YES1: variants seen among roughly 807,000 people sequenced by gnomAD.
The protein encoded by YES1 is tyrosine-protein kinase Yes.
A neutral mutation model predicts 70.4 loss-of-function variants in YES1; 39 were observed. That is an observed-to-expected ratio of 0.55 (90% CI 0.43 to 0.72). The LOEUF (loss-of-function observed/expected upper bound fraction) is 0.72, where lower values mean the gene tolerates loss of function less well. YES1 is among the 30% of genes least tolerant of loss of function. The probability of loss-of-function intolerance (pLI) is 0.00; values close to 1 mark genes in which losing one functional copy is unlikely to be tolerated. For synonymous variants in YES1, 198 were observed against 218.6 expected, an observed-to-expected ratio of 0.91 and a Z score of 0.83; for missense variants, 495 against 644.8, an observed-to-expected ratio of 0.77 and a Z score of 2.52.
chr18:791,750 A>G (rs992009078), intron 1 of YES1, among the ~76,000 whole-genome samples: 1 of 152,132 alleles, frequency 6.6e-6, no homozygotes, highest in South Asian at 2.1e-4. Context: ...TCTTTTTACC[A>G]TATTAAAATC....
chr18:775,294 G>GTTA (rs1191762151), intron 1 of YES1: 1 of 152,116 alleles, frequency 6.6e-6, no homozygotes, highest in Non-Finnish European at 1.5e-5. Flanking sequence ...TTTAAAAAAA[G>GTTA]TTATTGAAAT....
intron 8 of YES1, among the ~76,000 whole-genome samples, chr18:741,568 C>T (rs1356460101): frequency 6.6e-6 from 1 of 152,164 alleles, no homozygotes; most frequent in African/African-American, 2.4e-5. Flanking sequence ...CTTTGGGAGG[C>T]CAAGGCAGGC....
At chr18:759,532 T>C (rs1904466913) in intron 1 of YES1, among the ~76,000 whole-genome samples, 1 of 152,160 alleles carries the variant, frequency 6.6e-6, no homozygotes, top group Non-Finnish European at 1.5e-5. Context: ...TTTGTATCTA[T>C]GAGTTCTGCA....
intron 10 of YES1, among the ~76,000 whole-genome samples, chr18:734,381 C>T (rs575794445): frequency 4.6e-5 from 7 of 150,698 alleles, no homozygotes; most frequent in African/African-American, 1.7e-4. Flanking sequence ...GGTAAAACCC[C>T]GTCACTACTA....
At chr18:762,333 AAAG>A (rs1904636966) in intron 1 of YES1, among the ~76,000 whole-genome samples, 1 of 152,182 alleles carries the variant, frequency 6.6e-6, no homozygotes, top group Non-Finnish European at 1.5e-5. Flanking sequence ...AAAAAAGAAA[AAAG>A]AAATGTAACA....
chr18:743,005 T>G lies in YES1; in HGVS notation c.973A>C (p.Lys325Gln). ...EAFLQEAQIM[K>Q]KLRHDKLVPL... ...ACAAGTTTATCATGTCTTAATTTTT[T>G]CATTATCTGAGCTTCTTGAAGGAAA... Residue 325 changes from lysine to glutamine, a missense_variant, in exon 8 of 12, where the codon AAA becomes CAA. Around this residue, in one of 2 missense-constraint regions of YES1, gnomAD observed 385 missense variants for 540.9 expected, o/e 0.71. Transcript: ENST00000314574. 1 of 1,612,250 alleles carries G rather than the reference T, an allele frequency of 6.2e-7. No homozygotes were observed.
intron 1 of YES1, among the ~76,000 whole-genome samples, chr18:774,308 C>CT (rs1457287101): frequency 2.0e-5 from 3 of 152,186 alleles, no homozygotes; most frequent in Non-Finnish European, 4.4e-5. Flanking sequence ...AGTCTTATAT[C>CT]TTTAAATACC....
intron 1 of YES1, among the ~76,000 whole-genome samples, chr18:771,660 C>A (rs1253799973): frequency 1.3e-5 from 2 of 151,836 alleles, no homozygotes; most frequent in Non-Finnish European, 2.9e-5. Context: ...ACTATCCTCC[C>A]ACCTCAGCCT....
chr18:748,566 C>T (rs1367888587), intron 3 of YES1, among the ~76,000 whole-genome samples: 1 of 152,168 alleles, frequency 6.6e-6, no homozygotes, highest in Non-Finnish European at 1.5e-5. Flanking sequence ...CAACCACTGT[C>T]AACCACTAAT....
intron 10 of YES1, 87 bp from the exon 11 acceptor site, chr18:733,052 A>G (rs564150037): frequency 3.0e-4 from 391 of 1,316,702 alleles, no homozygotes; most frequent in Admixed American, 4.1e-4. Flanking sequence ...TGTTCTGTCA[A>G]TATCTCTACT....
intron 4 of YES1, among the ~76,000 whole-genome samples, chr18:747,552 C>G (rs755075405): frequency 3.8e-4 from 58 of 152,164 alleles, no homozygotes; most frequent in Non-Finnish European, 1.2e-4. Flanking sequence ...TCAACACACC[C>G]TCATATATAA....
At position 770,271 on chromosome 18, in the gene YES1, T is replaced by A. The variant is rs939235140; in HGVS notation, c.-8-13436A>T. 2.2e-4 allele frequency among the ~76,000 whole-genome samples: 32 copies of A among 145,182 alleles called. 1 individual carries two copies. Among genetic ancestry groups the A allele is most frequent in the African/African-American group, 7.6e-4 (29 of 38,322 alleles). ...CCACTGCGCCCGGCCCTTTTATCTT[T>A]TTTTTTTTTTTTTTAAGAGTTTTTA... On this transcript the variant is annotated intron_variant, in intron 1 of 11. Transcript: ENST00000314574.
chr18:783,477 A>G (rs1202688519), intron 1 of YES1, among the ~76,000 whole-genome samples: 1 of 152,164 alleles, frequency 6.6e-6, no homozygotes. Flanking sequence ...TTATAACAAA[A>G]TTGAATCTGA....
chr18:737,838 G>T (rs558762081), intron 9 of YES1, among the ~76,000 whole-genome samples: 1 of 152,148 alleles, frequency 6.6e-6, no homozygotes, highest in African/African-American at 2.4e-5. Flanking sequence ...TCCCACCTCA[G>T]CCTAGTGAGT....
At position 793,538 on chromosome 18, in the gene YES1, A is replaced by C. The variant is rs555691717; in HGVS notation, c.-9+18576T>G. 9.2e-5 allele frequency among the ~76,000 whole-genome samples: 14 copies of C among 151,424 alleles called. No individual in the cohort carries two copies. The East Asian group carries it at 2.5e-3, about 27-fold the overall frequency. ...TTTTTGCAGAGATGGGGTCTCACTA[A>C]ATTGCTCAGGCTGGTCTCAAACTCC... On this transcript the variant is annotated intron_variant, in intron 1 of 11. Coordinates refer to ENST00000314574, the MANE Select transcript of YES1 (RefSeq NM_005433.4).
chr18:755,530 G>A (rs1456044613), intron 2 of YES1, among the ~76,000 whole-genome samples: 1 of 152,184 alleles, frequency 6.6e-6, no homozygotes, highest in Non-Finnish European at 1.5e-5. Context: ...AGGATTACAG[G>A]TGTGAGCCAC....
At chr18:782,897 A>G (rs11663085) in intron 1 of YES1, among the ~76,000 whole-genome samples, 11,968 of 152,130 alleles carry the variant, frequency 0.079, 714 homozygotes, top group Admixed American at 0.2. Flanking sequence ...GTTTCGCCAT[A>G]TTAGCCACTC....
At chr18:791,388 T>C (rs1906242059) in intron 1 of YES1, among the ~76,000 whole-genome samples, 1 of 152,180 alleles carries the variant, frequency 6.6e-6, no homozygotes, top group African/African-American at 2.4e-5. Flanking sequence ...ATGTGCTAAA[T>C]ACTATCCTAA....
At chr18:740,109 T>C (rs1399581407) in intron 8 of YES1, among the ~76,000 whole-genome samples, 3 of 152,246 alleles carry the variant, frequency 2.0e-5, no homozygotes, top group African/African-American at 7.2e-5. Context: ...AAAGTAGTAT[T>C]AAATACTTAC....
Sources: allele counts gnomAD v4.1 joint callset (sites outside exome capture counted in the v4.1 genomes callset), GRCh38; gene constraint gnomAD v4.1.1; regional missense constraint gnomAD v4.1.1; transcripts MANE v1.5; gene names NCBI Gene and HGNC (gene_info 2026-07-23, HGNC 2026-07-21).